SLC24A2: variants seen among roughly 807,000 people sequenced by gnomAD.
The protein encoded by SLC24A2 is sodium/potassium/calcium exchanger 2.
SLC24A2 carries 36 observed loss-of-function variants against 62.0 expected under a neutral mutation model. That is an observed-to-expected ratio of 0.58 (90% CI 0.44 to 0.77). The LOEUF (loss-of-function observed/expected upper bound fraction) is 0.77, where lower values mean the gene tolerates loss of function less well. SLC24A2 is among the 30% of genes least tolerant of loss of function. The pLI, the probability that SLC24A2 is intolerant of heterozygous loss-of-function variation, is 0.00. For synonymous variants in SLC24A2, 358 were observed against 294.0 expected, an observed-to-expected ratio of 1.22 and a Z score of -2.23; for missense variants, 846 against 817.9, an observed-to-expected ratio of 1.03 and a Z score of -0.42.
At chr9:19,797,000 A>T in the SLC24A2 span, among the ~76,000 whole-genome samples, 1 of 152,128 alleles carries the variant, frequency 6.6e-6, no homozygotes, top group East Asian at 1.9e-4. Context: ...CTAGTCCTCT[A>T]ATTAAGGCTT....
chr9:20,286,270 C>A, the SLC24A2 span, among the ~76,000 whole-genome samples: 1 of 152,160 alleles, frequency 6.6e-6, no homozygotes, highest in Non-Finnish European at 1.5e-5. Flanking sequence ...TTATTTTTCT[C>A]ATATTCAATA....
the SLC24A2 span, among the ~76,000 whole-genome samples, chr9:19,827,637 T>G: frequency 6.6e-6 from 1 of 152,182 alleles, no homozygotes; most frequent in Non-Finnish European, 1.5e-5. Context: ...GTTTTCCTTC[T>G]GTTCTACCTC....
chr9:20,290,530 C>G, the SLC24A2 span, among the ~76,000 whole-genome samples: 1 of 152,226 alleles, frequency 6.6e-6, no homozygotes, highest in Admixed American at 6.5e-5. Flanking sequence ...TGAGCTCTGG[C>G]TGGTGCAAAA....
the SLC24A2 span, among the ~76,000 whole-genome samples, chr9:20,101,248 C>A: frequency 1.3e-5 from 2 of 152,194 alleles, no homozygotes; most frequent in Non-Finnish European, 2.9e-5. Context: ...CAGGCAGAGC[C>A]AAGGCAGATG....
the SLC24A2 span, among the ~76,000 whole-genome samples, chr9:20,124,607 A>T: frequency 6.6e-6 from 1 of 152,102 alleles, no homozygotes; most frequent in Non-Finnish European, 1.5e-5. Flanking sequence ...CCTTCATGCT[A>T]ACTTTCATTT....
chr9:19,627,202 G>A (rs1024918557), intron 2 of SLC24A2, among the ~76,000 whole-genome samples: 2 of 152,126 alleles, frequency 1.3e-5, no homozygotes, highest in African/African-American at 4.8e-5. Flanking sequence ...GAAATACACT[G>A]GGATGGACAG....
chr9:19,803,087 A>C, the SLC24A2 span, among the ~76,000 whole-genome samples: 6 of 152,184 alleles, frequency 3.9e-5, no homozygotes, highest in Non-Finnish European at 8.8e-5. Context: ...AACTGTATGA[A>C]AAAAAATTTC....
the SLC24A2 span, among the ~76,000 whole-genome samples, chr9:19,828,440 C>G: frequency 6.6e-6 from 1 of 151,838 alleles, no homozygotes; most frequent in Non-Finnish European, 1.5e-5. Context: ...TATTATTTAC[C>G]CATAATAATT....
At chr9:20,028,104 G>T in the SLC24A2 span, among the ~76,000 whole-genome samples, 1 of 152,188 alleles carries the variant, frequency 6.6e-6, no homozygotes, top group African/African-American at 2.4e-5. Flanking sequence ...GTAATGATGA[G>T]TAGCAAAGCA....
chr9:19,789,172 T>G (rs993209942), upstream of SLC24A2, among the ~76,000 whole-genome samples: 1 of 152,194 alleles, frequency 6.6e-6, no homozygotes, highest in Non-Finnish European at 1.5e-5. Context: ...CCACGCCTCC[T>G]GGGCGCAGAG....
chr9:20,304,980 T>A, the SLC24A2 span, among the ~76,000 whole-genome samples: 1 of 151,830 alleles, frequency 6.6e-6, no homozygotes, highest in South Asian at 2.1e-4. Flanking sequence ...TCTATCCAAC[T>A]ACTTAAATGA....
the SLC24A2 span, among the ~76,000 whole-genome samples, chr9:20,279,664 G>A: frequency 6.6e-6 from 1 of 152,200 alleles, no homozygotes; most frequent in African/African-American, 2.4e-5. Flanking sequence ...TACTTGACTT[G>A]CAGAATTAAA....
At chr9:19,902,699 G>C in the SLC24A2 span, among the ~76,000 whole-genome samples, 1 of 152,050 alleles carries the variant, frequency 6.6e-6, no homozygotes, top group Non-Finnish European at 1.5e-5. Flanking sequence ...ATCACATATC[G>C]ATGAATATTA....
rs577793454 is a variant in SLC24A2 at position 19,668,311 on chromosome 9, C to G, written c.931-46012G>C. On this transcript the variant is annotated intron_variant, in intron 2 of 10. Coordinates refer to ENST00000341998, the MANE Select transcript of SLC24A2 (RefSeq NM_020344.4). ...CATGGAAGTCATTCCCAATATCACA[C>G]TGCTAGTAAGCAACAGAGTCAGGAT... Among the ~76,000 whole-genome samples the G allele has an allele frequency of 4.5e-4, 69 of 152,326 alleles. 1 individual carries two copies. In the South Asian group the frequency reaches 0.014, roughly 31 times the overall value.
chr9:19,552,281 C>T (rs1203617586), intron 7 of SLC24A2, among the ~76,000 whole-genome samples: 1 of 152,104 alleles, frequency 6.6e-6, no homozygotes, highest in Non-Finnish European at 1.5e-5. Context: ...CCCTATTGGG[C>T]TCACCAGCCT....
intron 2 of SLC24A2, among the ~76,000 whole-genome samples, chr9:19,748,849 C>T (rs1248309012): frequency 1.6e-4 from 25 of 151,710 alleles, no homozygotes; most frequent in Admixed American, 1.6e-3. Context: ...TGATAAGCAA[C>T]CCTTCTTTGT....
the SLC24A2 span, among the ~76,000 whole-genome samples, chr9:20,043,108 C>T: frequency 6.6e-6 from 1 of 152,094 alleles, no homozygotes; most frequent in African/African-American, 2.4e-5. Context: ...TCAAAAGCCA[C>T]AAATGATTAA....
chr9:20,225,539 A>G, the SLC24A2 span, among the ~76,000 whole-genome samples: 3 of 108,350 alleles, frequency 2.8e-5, no homozygotes, highest in African/African-American at 1.4e-4. Flanking sequence ...AATGTTTGTG[A>G]TATCTTCTAT....
At chr9:19,560,049 A>T (rs72700493) in intron 7 of SLC24A2, among the ~76,000 whole-genome samples, 6,062 of 152,242 alleles carry the variant, frequency 0.04, 160 homozygotes, top group Non-Finnish European at 0.06. Context: ...GACTTGCCAA[A>T]CAAGGTGTGC....
Sources: gnomAD v4.1 joint callset for allele counts (sites outside exome capture counted in the v4.1 genomes callset) on GRCh38, gnomAD v4.1.1 for gene constraint, MANE v1.5 for transcripts, NCBI Gene and HGNC (gene_info 2026-07-23, HGNC 2026-07-21) for gene names.